TTLL5: variants seen among roughly 807,000 people sequenced by gnomAD.
TTLL5 encodes the protein tubulin tyrosine ligase like 5.
A neutral mutation model predicts 168.4 loss-of-function variants in TTLL5; 132 were observed. The observed-to-expected ratio is 0.78, with a 90% confidence interval of 0.68 to 0.91. The LOEUF is 0.91. Among genes scored for constraint, TTLL5 ranks in the 40% least tolerant of loss-of-function variants. The pLI is 0.00. For missense variants in TTLL5, 1,545 were observed against 1,581.5 expected (o/e 0.98, Z 0.39); for synonymous variants, 546 against 558.6 (o/e 0.98, Z 0.32).
rs962063081 is a variant in TTLL5 at position 75,829,553 on chromosome 14, C to T, written c.3326+9392C>T. Reference sequence around the variant, plus strand: ...TCAGGTTGAGTAATACTGTCCTATACATTTACTTTTTTTTTTTTTTTCATG... The same window carrying T: ...TCAGGTTGAGTAATACTGTCCTATATATTTACTTTTTTTTTTTTTTTCATG... On this transcript the variant is annotated intron_variant, in intron 28 of 31. Transcript: ENST00000298832. Among the ~76,000 whole-genome samples, 15 of 149,518 alleles carry T rather than the reference C, an allele frequency of 1.0e-4. No individual in the cohort carries two copies. The South Asian group carries it at 1.7e-3, about 17-fold the overall frequency.
chr14:75,791,110 A>C (rs1279301217), intron 26 of TTLL5, among the ~76,000 whole-genome samples: 1 of 150,462 alleles, frequency 6.6e-6, no homozygotes, highest in Non-Finnish European at 1.5e-5. Context: ...TGTCTCAAAA[A>C]AAAAAAAAAA....
intron 31 of TTLL5, among the ~76,000 whole-genome samples, chr14:75,949,696 A>C (rs1006757661): frequency 9.9e-5 from 15 of 151,812 alleles, no homozygotes; most frequent in African/African-American, 3.6e-4. Context: ...TAAAAATGCA[A>C]AAAATTAGCT....
At chr14:75,776,919 C>G in intron 23 of TTLL5, 69 bp downstream of exon 23, 1 of 1,261,524 alleles carries the variant, frequency 7.9e-7, no homozygotes, top group Non-Finnish European at 1.1e-6. Flanking sequence ...GAGTACCCAG[C>G]ATTCCTTTGT....
chr14:75,863,578 T>A (rs2030215938), intron 28 of TTLL5, 89 bp from the exon 29 acceptor site: 1 of 1,311,852 alleles, frequency 7.6e-7, no homozygotes, highest in Non-Finnish European at 1.0e-6. Flanking sequence ...GGTTCCATAT[T>A]GGAAAAATAC....
At chr14:75,807,710 C>T (rs1169177480) in intron 27 of TTLL5, among the ~76,000 whole-genome samples, 1 of 152,188 alleles carries the variant, frequency 6.6e-6, no homozygotes, top group East Asian at 1.9e-4. Context: ...TGCTCTTTAC[C>T]TCAGTGTTTT....
chr14:75,810,337 T>TC (rs560631281), intron 27 of TTLL5, among the ~76,000 whole-genome samples: 2 of 150,040 alleles, frequency 1.3e-5, no homozygotes, highest in Non-Finnish European at 3.0e-5. Context: ...CTAAATCATC[T>TC]TCTCTCTCTC....
chr14:75,904,006 G>T (rs556269842), intron 31 of TTLL5: 3 of 840,680 alleles, frequency 3.6e-6, no homozygotes, highest in East Asian at 1.0e-4. Flanking sequence ...TAGGGAAGGC[G>T]CTATAACTAC....
Position 75,916,826 on chromosome 14 carries a change from A to G in TTLL5, c.3823+14602A>G, listed in dbSNP as rs372825666. 8.8e-4 allele frequency among the ~76,000 whole-genome samples: 134 copies of G among 152,352 alleles called. 1 individual carries two copies. The South Asian group carries it at 0.014, about 16-fold the overall frequency. On this transcript the variant is annotated intron_variant, in intron 31 of 31. Coordinates refer to ENST00000298832, the MANE Select transcript of TTLL5 (RefSeq NM_015072.5). ...TGAATGAGTCAACAAAATGTGGTCT[A>G]TGTATTCAGTGAAATACTATTCAGC...
rs755669701 is a variant in TTLL5 at position 75,954,404 on chromosome 14, G to C, written c.3824-20G>C. The C allele has an allele frequency of 6.2e-7, 1 of 1,613,592 alleles. No homozygotes were observed. Among genetic ancestry groups the C allele is most frequent in the Non-Finnish European group, 8.5e-7 (1 of 1,179,852 alleles). ...ATGCTGTCATTTCATTCATTTCATG[G>C]TTGCCTTTCTCTTTTTCAGATCCTG... On this transcript the variant is annotated intron_variant, in intron 31 of 31. Coordinates refer to ENST00000298832, the MANE Select transcript of TTLL5 (RefSeq NM_015072.5).
chr14:75,779,373 C>T (rs781491463), intron 23 of TTLL5, among the ~76,000 whole-genome samples: 3 of 93,864 alleles, frequency 3.2e-5, no homozygotes, highest in South Asian at 6.1e-4. Flanking sequence ...AAATTCACTG[C>T]GGGATGAATA....
chr14:75,786,790 T>C (rs1431017948), intron 26 of TTLL5, among the ~76,000 whole-genome samples: 1 of 152,000 alleles, frequency 6.6e-6, no homozygotes, highest in East Asian at 1.9e-4. Context: ...GAAACTTAGG[T>C]GTATGCAAGC....
intron 29 of TTLL5, among the ~76,000 whole-genome samples, chr14:75,866,659 A>G (rs1217587787): frequency 1.3e-5 from 2 of 152,186 alleles, no homozygotes. Flanking sequence ...CTCCAGTCAG[A>G]ACACTTAGAT....
chr14:75,768,087 A>G (rs1420151676), intron 20 of TTLL5, among the ~76,000 whole-genome samples: 2 of 152,222 alleles, frequency 1.3e-5, no homozygotes, highest in Admixed American at 6.5e-5. Context: ...AGGATTGTAT[A>G]GTTGGTAGGT....
chr14:75,851,003 G>A lies in TTLL5; in HGVS notation c.3327-12664G>A, dbSNP rs1399516528. ...TAGCTACTCAGGAGGCGGAGGTGGC[G>A]GAGGGATTGCTTGAGCCTGGGACTT... On this transcript the variant is annotated intron_variant, in intron 28 of 31. Coordinates refer to ENST00000298832, the MANE Select transcript of TTLL5 (RefSeq NM_015072.5). Among the ~76,000 whole-genome samples, 4 of 151,176 alleles carry A rather than the reference G, an allele frequency of 2.6e-5. 1 individual carries two copies. Among genetic ancestry groups the A allele is most frequent in the South Asian group, 4.2e-4 (2 of 4,774 alleles).
intron 18 of TTLL5, 44 bp from the exon 19 acceptor site, chr14:75,764,571 A>T: frequency 6.2e-7 from 1 of 1,607,628 alleles, no homozygotes; most frequent in Non-Finnish European, 8.5e-7. Flanking sequence ...AATGAAGGAG[A>T]GAACTTTCTG....
At chr14:75,720,781 C>T in intron 12 of TTLL5, 78 bp downstream of exon 12, 1 of 1,144,572 alleles carries the variant, frequency 8.7e-7, no homozygotes, top group South Asian at 1.2e-5. Context: ...GGTAGAGAGG[C>T]TTAGTGATTC....
chr14:75,950,143 C>A (rs985112478), intron 31 of TTLL5, among the ~76,000 whole-genome samples: 1 of 152,064 alleles, frequency 6.6e-6, no homozygotes, highest in East Asian at 1.9e-4. Context: ...AAATAACTTA[C>A]GACCAAGACA....
rs1213236082 is a variant in TTLL5, at chr14:75,661,260, T to A, written c.-223T>A. 1 of 152,256 alleles carries A rather than the reference T, an allele frequency of 6.6e-6. No individual in the cohort carries two copies. The highest frequency in any genetic ancestry group is 1.5e-5 in the Non-Finnish European group (1 of 68,056). The allele number at this position is 152,256 out of a possible 1,614,324, so 9.4% of individuals were successfully genotyped here. ...TGGCTCCGAGCGGGCGGTTGCTTGT[T>A]GGTTGTTGTAGTAACCGGGGAAGCA... On this transcript the variant is annotated 5_prime_UTR_variant, in exon 1 of 32. Coordinates refer to ENST00000298832, the MANE Select transcript of TTLL5 (RefSeq NM_015072.5).
intron 30 of TTLL5, among the ~76,000 whole-genome samples, chr14:75,884,030 G>A (rs2140028169): frequency 6.6e-6 from 1 of 152,254 alleles, no homozygotes; most frequent in Admixed American, 6.5e-5. Flanking sequence ...TAATCTCCTA[G>A]CCTCAGCTTC....
Sources: gnomAD v4.1 joint callset for allele counts (sites outside exome capture counted in the v4.1 genomes callset) on GRCh38, gnomAD v4.1.1 for gene constraint, MANE v1.5 for transcripts, NCBI Gene and HGNC (gene_info 2026-07-23, HGNC 2026-07-21) for gene names.